The following PIK3CA variants were observed in gnomAD, a reference collection of about 807,000 sequenced individuals.
PIK3CA encodes phosphatidylinositol-4,5-bisphosphate 3-kinase catalytic subunit alpha, also known as phosphatidylinositol 4,5-bisphosphate 3-kinase catalytic subunit alpha isoform.
A neutral mutation model predicts 138.2 loss-of-function variants in PIK3CA; 27 were observed. That is an observed-to-expected ratio of 0.20 (90% CI 0.14 to 0.27). The LOEUF is 0.27. Ranked by LOEUF, PIK3CA falls within the 10% of genes least tolerant of loss-of-function variation. The pLI is 1.00. For synonymous variants in PIK3CA, 358 were observed against 413.2 expected, an observed-to-expected ratio of 0.87 and a Z score of 1.62; for missense variants, 544 against 1,277.4, an observed-to-expected ratio of 0.43 and a Z score of 8.75.
intron 1 of PIK3CA, among the ~76,000 whole-genome samples, chr3:179,173,920 G>T (rs1277103186): frequency 1.3e-5 from 2 of 151,606 alleles, no homozygotes; most frequent in Non-Finnish European, 1.5e-5. Context: ...TAGAGACAGG[G>T]TTTCGCTATA....
At position 179,219,445 on chromosome 3, in the gene PIK3CA, G is replaced by T; in HGVS notation, c.1747-126G>T. The T allele has an allele frequency of 1.5e-6, 1 of 687,046 alleles. No homozygotes were observed. Among genetic ancestry groups the T allele is most frequent in the Non-Finnish European group, 2.5e-6 (1 of 407,674 alleles). 42.6% of individuals were successfully genotyped at this position (687,046 alleles called of 1,614,324 possible). A position where few individuals can be genotyped will look rare whatever the true frequency, so the allele number is the denominator to read the frequency against. The stretch of plus-strand genomic sequence containing the variant: ...TCCATAGATAAAACTAATTAGAACT[G>T]TAAATTCTAAGGAGATTATTTATCT... On this transcript the variant is annotated intron_variant, in intron 11 of 20. Coordinates refer to ENST00000263967, the MANE Select transcript of PIK3CA (RefSeq NM_006218.4). The surrounding 1 kb of genome is among the most constrained non-coding windows in gnomAD (Gnocchi z 4.2).
At chr3:179,173,578 CAAAA>C (rs1157941292) in intron 1 of PIK3CA, among the ~76,000 whole-genome samples, 1 of 143,638 alleles carries the variant, frequency 7.0e-6, no homozygotes, top group Non-Finnish European at 1.5e-5. Flanking sequence ...GACTCCATCT[CAAAA>C]AAAAAAGTGC....
At chr3:179,218,623 A>T (rs1254633783) in intron 10 of PIK3CA, among the ~76,000 whole-genome samples, 1 of 151,986 alleles carries the variant, frequency 6.6e-6, no homozygotes, top group Non-Finnish European at 1.5e-5. Context: ...GTTTTAGGTC[A>T]ATTTAGATGT....
chr3:179,200,620 T>C (rs1724386501), intron 3 of PIK3CA, among the ~76,000 whole-genome samples: 3 of 152,214 alleles, frequency 2.0e-5, no homozygotes, highest in South Asian at 4.1e-4. Flanking sequence ...TTTTCTATTC[T>C]AGCATATATT....
At position 179,230,981 on chromosome 3, in the gene PIK3CA, C is replaced by A. The variant is rs1054096387; in HGVS notation, c.2936+605C>A. Among the ~76,000 whole-genome samples, 1 of 152,012 alleles carries A rather than the reference C, an allele frequency of 6.6e-6. No individual in the cohort carries two copies. Among genetic ancestry groups the A allele is most frequent in the African/African-American group, 2.4e-5 (1 of 41,370 alleles). The stretch of plus-strand genomic sequence containing the variant: ...TTTTATCCCTCACTGTTCTTCCCAC[C>A]GTCTCCCATCTGAGTCTCTGTAGTC... On this transcript the variant is annotated intron_variant, in intron 20 of 20. Coordinates refer to ENST00000263967, the MANE Select transcript of PIK3CA (RefSeq NM_006218.4). This position sits in a 1 kb window ranked among gnomAD's most constrained non-coding sequence, Gnocchi z 5.4.
chr3:179,227,977 T>C (rs1015066523), intron 17 of PIK3CA, among the ~76,000 whole-genome samples: 1 of 151,208 alleles, frequency 6.6e-6, no homozygotes, highest in Non-Finnish European at 1.5e-5. Flanking sequence ...GCTGCTGTTT[T>C]TATGGAACAC....
chr3:179,149,170 C>T (rs1316271524), intron 1 of PIK3CA, among the ~76,000 whole-genome samples: 5 of 152,212 alleles, frequency 3.3e-5, no homozygotes, highest in Non-Finnish European at 1.5e-5. Context: ...CAGCTCCCCT[C>T]CCACCCTTCC....
intron 16 of PIK3CA, among the ~76,000 whole-genome samples, chr3:179,225,338 T>C (rs1725058746): frequency 6.6e-6 from 1 of 151,846 alleles, no homozygotes; most frequent in African/African-American, 2.4e-5. Context: ...AAAGGAAGAG[T>C]GTAGTCTGCT....
chr3:179,216,795 G>T (rs1311539108), intron 9 of PIK3CA, among the ~76,000 whole-genome samples: 2 of 151,962 alleles, frequency 1.3e-5, no homozygotes, highest in Non-Finnish European at 2.9e-5. Flanking sequence ...TCTTCTGTAA[G>T]TTATTTTATA....
chr3:179,159,142 T>C (rs935209093), intron 1 of PIK3CA, among the ~76,000 whole-genome samples: 13 of 152,198 alleles, frequency 8.5e-5, no homozygotes, highest in African/African-American at 3.1e-4. Flanking sequence ...GTTTTCATTG[T>C]TGTGTGCTTT....
At chr3:179,207,223 T>TA (rs1249031694) in intron 6 of PIK3CA, among the ~76,000 whole-genome samples, 1 of 152,252 alleles carries the variant, frequency 6.6e-6, no homozygotes, top group Non-Finnish European at 1.5e-5. Flanking sequence ...TTAGATGCTT[T>TA]ATGATTTCTT....
chr3:179,219,501 G>A lies in PIK3CA; in HGVS notation c.1747-70G>A, dbSNP rs983214618. 2.1e-5 allele frequency: 15 copies of A among 726,688 alleles called. No homozygotes were observed. The highest frequency in any genetic ancestry group is 1.8e-4 in the African/African-American group (10 of 56,034). The allele number at this position is 726,688 out of a possible 1,614,324, so 45.0% of individuals were successfully genotyped here. On this transcript the variant is annotated intron_variant, in intron 11 of 20. Transcript: ENST00000263967. The surrounding 1 kb of genome is among the most constrained non-coding windows in gnomAD (Gnocchi z 4.2). ...AATTTTAAAATCAGAAGTTAAGGCA[G>A]TGTTTTAGATGGCTCATTCACAACT...
At chr3:179,229,668 T>C (rs867615845) in intron 18 of PIK3CA, among the ~76,000 whole-genome samples, 2 of 152,218 alleles carry the variant, frequency 1.3e-5, no homozygotes, top group Non-Finnish European at 2.9e-5. Flanking sequence ...ATCTAAAATG[T>C]ATTGTTATTG....
intron 6 of PIK3CA, among the ~76,000 whole-genome samples, chr3:179,205,777 G>C (rs905240211): frequency 2.0e-5 from 3 of 152,150 alleles, no homozygotes; most frequent in African/African-American, 7.2e-5. Flanking sequence ...CGTAATAGCA[G>C]TAATATTTCA....
intron 1 of PIK3CA, among the ~76,000 whole-genome samples, chr3:179,163,900 T>C (rs1471249937): frequency 3.9e-5 from 6 of 152,164 alleles, no homozygotes; most frequent in Admixed American, 3.9e-4. Flanking sequence ...TCTGAATTGG[T>C]TTAACCCTTT....
rs2108430442 is a variant in PIK3CA, at chr3:179,234,445, C to T, written c.*81C>T. The T allele has an allele frequency of 8.6e-7, 1 of 1,162,950 alleles. No homozygotes were observed. Among genetic ancestry groups the T allele is most frequent in the South Asian group, 1.5e-5 (1 of 65,136 alleles). The allele number at this position is 1,162,950 out of a possible 1,614,324, so 72.0% of individuals were successfully genotyped here. ...ACTCTCAGCAGGCAAAGACCGATTG[C>T]ATAGGAATTGCACAATCCATGAACA... On this transcript the variant is annotated 3_prime_UTR_variant, in exon 21 of 21. Transcript: ENST00000263967. This position sits in a 1 kb window ranked among gnomAD's most constrained non-coding sequence, Gnocchi z 5.1.
At chr3:179,166,190 T>C (rs566400552) in intron 1 of PIK3CA, among the ~76,000 whole-genome samples, 1 of 152,352 alleles carries the variant, frequency 6.6e-6, no homozygotes, top group East Asian at 1.9e-4. Context: ...AGGAAAATGA[T>C]ATCTTGAGAA....
rs115746478 is a variant in PIK3CA, at chr3:179,199,700, C to T, written c.363C>T (p.Ile121=). The part of the protein sequence containing the change: ...KILNREIGFA[I]GMPVCEFDMV... ...GTAATTTTATTAAAGGTTTTGCTATCGGCATGCCAGTGTGTGAATTTGATA... is the reference window on the plus strand; with the variant it reads ...GTAATTTTATTAAAGGTTTTGCTATTGGCATGCCAGTGTGTGAATTTGATA... Residue 121 remains isoleucine (I), a synonymous_variant, in exon 3 of 21, where the codon ATC becomes ATT. Transcript: ENST00000263967. 14,108 of 1,605,692 alleles carry T rather than the reference C, an allele frequency of 8.8e-3. 78 individuals carry two copies. Among genetic ancestry groups the T allele is most frequent in the Admixed American group, 0.01 (614 of 59,982 alleles).
At chr3:179,197,065 GTCT>G (rs1184904730) in intron 1 of PIK3CA, among the ~76,000 whole-genome samples, 30 of 151,712 alleles carry the variant, frequency 2.0e-4, no homozygotes, top group African/African-American at 7.3e-4. Context: ...TTTTGATGGA[GTCT>G]CGCTCTGTCG....
Sources: allele counts gnomAD v4.1 joint callset (sites outside exome capture counted in the v4.1 genomes callset), GRCh38; gene constraint gnomAD v4.1.1; non-coding constraint Gnocchi (gnomAD v3.1); transcripts MANE v1.5; gene names NCBI Gene and HGNC (gene_info 2026-07-23, HGNC 2026-07-21).